PRKCE: variants seen among roughly 807,000 people sequenced by gnomAD.
PRKCE encodes protein kinase C epsilon type.
PRKCE carries 16 observed loss-of-function variants against 85.4 expected under a neutral mutation model. That is an observed-to-expected ratio of 0.19 (90% CI 0.13 to 0.28). The LOEUF is 0.28. Ranked by LOEUF, PRKCE falls within the 10% of genes least tolerant of loss-of-function variation. The pLI is 1.00. For synonymous variants in PRKCE, 388 were observed against 371.5 expected (o/e 1.04, Z -0.51); for missense variants, 573 against 975.2 (o/e 0.59, Z 5.49).
chr2:45,700,920 G>A (rs1678587675), intron 1 of PRKCE, among the ~76,000 whole-genome samples: 2 of 152,188 alleles, frequency 1.3e-5, no homozygotes, highest in South Asian at 2.1e-4. Flanking sequence ...AATGCCTGGG[G>A]CTCCCAGAAG....
At chr2:46,017,657 C>T (rs548255961) in intron 10 of PRKCE, among the ~76,000 whole-genome samples, 144 of 152,352 alleles carry the variant, frequency 9.5e-4, no homozygotes, top group Non-Finnish European at 1.6e-3. Flanking sequence ...AACTATTTTA[C>T]ATTCCCATCA....
At chr2:45,940,904 C>A (rs1212847705) in intron 2 of PRKCE, among the ~76,000 whole-genome samples, 10 of 146,204 alleles carry the variant, frequency 6.8e-5, no homozygotes. Flanking sequence ...ATTAAAAATA[C>A]AAAAAAAAAA....
intron 1 of PRKCE, among the ~76,000 whole-genome samples, chr2:45,662,376 C>G (rs896173599): frequency 1.3e-5 from 2 of 152,178 alleles, no homozygotes; most frequent in African/African-American, 4.8e-5. Context: ...GCACAGCTTA[C>G]TACAATCCTT....
intron 1 of PRKCE, among the ~76,000 whole-genome samples, chr2:45,787,255 A>G (rs1686679600): frequency 6.6e-6 from 1 of 152,248 alleles, no homozygotes; most frequent in Admixed American, 6.5e-5. Flanking sequence ...TTCCAGGCAC[A>G]GGAACTCAAT....
chr2:46,027,892 C>T (rs1239149283), intron 10 of PRKCE, among the ~76,000 whole-genome samples: 1 of 152,096 alleles, frequency 6.6e-6, no homozygotes, highest in Non-Finnish European at 1.5e-5. Context: ...ACTGCTGGCC[C>T]ACCTTCCACC....
chr2:45,758,648 A>G (rs921045023), intron 1 of PRKCE, among the ~76,000 whole-genome samples: 2 of 152,216 alleles, frequency 1.3e-5, no homozygotes, highest in Admixed American at 1.3e-4. Context: ...TGCCTAACAT[A>G]GGTATGTATC....
chr2:45,953,260 G>A (rs752839180), intron 2 of PRKCE, among the ~76,000 whole-genome samples: 51 of 152,230 alleles, frequency 3.4e-4, no homozygotes, highest in South Asian at 6.2e-4. Context: ...ACCATCCCAT[G>A]TAATTTTGTC....
intron 1 of PRKCE, among the ~76,000 whole-genome samples, chr2:45,793,762 G>C (rs149490833): frequency 3.3e-5 from 5 of 152,308 alleles, no homozygotes; most frequent in Non-Finnish European, 7.4e-5. Flanking sequence ...TTTCCCCCTA[G>C]ATATGTTTGG....
intron 10 of PRKCE, among the ~76,000 whole-genome samples, chr2:46,049,967 T>C (rs1179225490): frequency 6.6e-6 from 1 of 152,168 alleles, no homozygotes; most frequent in Non-Finnish European, 1.5e-5. Flanking sequence ...ATGGTCACCA[T>C]GGCCAGTGTA....
intron 2 of PRKCE, among the ~76,000 whole-genome samples, chr2:45,963,815 T>G (rs957313201): frequency 2.0e-5 from 3 of 151,008 alleles, no homozygotes; most frequent in Non-Finnish European, 3.0e-5. Flanking sequence ...TTTTTAATTC[T>G]GACTTTAAAA....
chr2:45,685,109 C>T (rs931993817), intron 1 of PRKCE, among the ~76,000 whole-genome samples: 1 of 152,206 alleles, frequency 6.6e-6, no homozygotes, highest in Non-Finnish European at 1.5e-5. Flanking sequence ...GAAACCTAAA[C>T]ACGGGCCAAT....
chr2:46,065,344 C>T (rs1558413370), intron 10 of PRKCE, among the ~76,000 whole-genome samples: 1 of 151,926 alleles, frequency 6.6e-6, no homozygotes, highest in Non-Finnish European at 1.5e-5. Context: ...TGGGGTTTGT[C>T]ATAGTTTCTA....
intron 1 of PRKCE, among the ~76,000 whole-genome samples, chr2:45,705,733 T>C (rs1679060837): frequency 6.6e-6 from 1 of 152,222 alleles, no homozygotes; most frequent in African/African-American, 2.4e-5. Flanking sequence ...ATGATGGTGG[T>C]ATAGGTAGCT....
At chr2:46,134,702 G>C (rs1328476879) in intron 11 of PRKCE, among the ~76,000 whole-genome samples, 1 of 152,244 alleles carries the variant, frequency 6.6e-6, no homozygotes, top group Admixed American at 6.5e-5. Flanking sequence ...TTTGAGGACA[G>C]TAATGCTCAG....
chr2:45,765,652 A>G (rs927614455), intron 1 of PRKCE, among the ~76,000 whole-genome samples: 11 of 152,194 alleles, frequency 7.2e-5, no homozygotes, highest in Admixed American at 6.5e-4. Flanking sequence ...TTATGAAAAG[A>G]GGTCAAGTAA....
chr2:46,106,893 G>A (rs1158272654), intron 11 of PRKCE, among the ~76,000 whole-genome samples: 1 of 152,180 alleles, frequency 6.6e-6, no homozygotes. Flanking sequence ...GCTTAGGTCA[G>A]CACCTTTCTT....
chr2:45,990,497 C>T (rs1016900403), intron 6 of PRKCE, among the ~76,000 whole-genome samples: 1 of 152,170 alleles, frequency 6.6e-6, no homozygotes, highest in East Asian at 1.9e-4. Context: ...CTGCACCTCC[C>T]CATCCACATC....
intron 1 of PRKCE, among the ~76,000 whole-genome samples, chr2:45,803,940 G>C (rs1573421102): frequency 1.3e-5 from 2 of 152,282 alleles, no homozygotes; most frequent in South Asian, 4.1e-4. Flanking sequence ...TGGAAGTCAG[G>C]ATCCTCCGGT....
At chr2:45,827,091 G>T (rs962901319) in intron 1 of PRKCE, among the ~76,000 whole-genome samples, 2 of 152,122 alleles carry the variant, frequency 1.3e-5, no homozygotes, top group African/African-American at 4.8e-5. Context: ...CACGTGCCAG[G>T]CCCTGGCTCT....
Sources: allele counts gnomAD v4.1 joint callset (sites outside exome capture counted in the v4.1 genomes callset), GRCh38; gene constraint gnomAD v4.1.1; transcripts MANE v1.5; gene names NCBI Gene and HGNC (gene_info 2026-07-23, HGNC 2026-07-21).